INPP5A: variants seen among roughly 807,000 people sequenced by gnomAD.
INPP5A encodes the protein 43 kDa inositol polyphosphate 5-phophatase.
INPP5A carries 14 observed loss-of-function variants against 65.2 expected under a neutral mutation model. The ratio of observed to expected loss-of-function variants is 0.21; its 90% CI spans 0.14 to 0.34. INPP5A has a LOEUF of 0.34. INPP5A is among the 10% of genes least tolerant of loss of function. INPP5A has a pLI of 1.00. For synonymous variants in INPP5A, 207 were observed against 208.3 expected, an observed-to-expected ratio of 0.99 and a Z score of 0.05; for missense variants, 431 against 545.6, an observed-to-expected ratio of 0.79 and a Z score of 2.09.
At chr10:132,625,192 C>G (rs1590876066) in intron 2 of INPP5A, among the ~76,000 whole-genome samples, 1 of 149,588 alleles carries the variant, frequency 6.7e-6, no homozygotes, top group African/African-American at 2.5e-5. Flanking sequence ...CACAGGCCAC[C>G]GCTCCCTCTG....
At chr10:132,758,000 T>C (rs112007268) in intron 11 of INPP5A, among the ~76,000 whole-genome samples, 199 of 101,380 alleles carry the variant, frequency 2.0e-3, no homozygotes, top group African/African-American at 3.2e-3. Flanking sequence ...GTTGTGGGTC[T>C]CTGGCTGACC....
intron 9 of INPP5A, among the ~76,000 whole-genome samples, chr10:132,728,655 A>G (rs969472579): frequency 1.3e-5 from 2 of 152,256 alleles, no homozygotes; most frequent in Non-Finnish European, 2.9e-5. Context: ...ATGAAAGTCA[A>G]GAAGAACCCG....
At chr10:132,761,884 C>G (rs896259819) in intron 11 of INPP5A, among the ~76,000 whole-genome samples, 1 of 151,862 alleles carries the variant, frequency 6.6e-6, no homozygotes, top group African/African-American at 2.4e-5. Context: ...ATAATTGATA[C>G]AAATTATAAT....
intron 13 of INPP5A, among the ~76,000 whole-genome samples, chr10:132,779,720 AG>A (rs1847126286): frequency 6.6e-6 from 1 of 152,202 alleles, no homozygotes; most frequent in Non-Finnish European, 1.5e-5. Flanking sequence ...GCGGGTGTGC[AG>A]GACAAGCAGA....
chr10:132,549,795 G>A lies in INPP5A; in HGVS notation c.75+11624G>A, dbSNP rs919565199. On this transcript the variant is annotated intron_variant, in intron 1 of 15. Coordinates refer to ENST00000368594, the MANE Select transcript of INPP5A (RefSeq NM_005539.5). The surrounding 1 kb of genome is among the most constrained non-coding windows in gnomAD (Gnocchi z 4.9). ...CTCTGCCCCTGGTCTGAATGGTGGG[G>A]TTGGTGTGTCTCTGTTACAGGATTG... 6.6e-6 allele frequency among the ~76,000 whole-genome samples: 1 copy of A among 152,246 alleles called. No individual in the cohort carries two copies. The highest frequency in any genetic ancestry group is 1.5e-5 in the Non-Finnish European group (1 of 68,042).
At chr10:132,766,483 G>C (rs1846847352) in intron 12 of INPP5A, among the ~76,000 whole-genome samples, 1 of 151,976 alleles carries the variant, frequency 6.6e-6, no homozygotes, top group South Asian at 2.1e-4. Flanking sequence ...TGAATGTGCA[G>C]ATGTTGCGTG....
At chr10:132,681,748 C>T (rs2073048864) in intron 4 of INPP5A, among the ~76,000 whole-genome samples, 1 of 152,098 alleles carries the variant, frequency 6.6e-6, no homozygotes, top group African/African-American at 2.4e-5. Flanking sequence ...GGTACAGACC[C>T]CAAAGAATTG....
At chr10:132,743,404 C>T (rs909233764) in intron 9 of INPP5A, among the ~76,000 whole-genome samples, 8 of 140,362 alleles carry the variant, frequency 5.7e-5, no homozygotes, top group Admixed American at 1.4e-4. Flanking sequence ...GGACCAGGCC[C>T]GGGAGTGAGG....
In INPP5A at chr10:132,726,899, C is replaced by A; in HGVS notation, c.726C>A (p.Val242=). ...ACTTCCGGCTGGATTCCAAGTCCGTCGTGGAGGTAGGCGCTGGCTTCCCTC... is the reference window on the plus strand; with the variant it reads ...ACTTCCGGCTGGATTCCAAGTCCGTAGTGGAGGTAGGCGCTGGCTTCCCTC... ...DFNFRLDSKS[V]VETLCTKATM... Residue 242 remains valine (V), a synonymous_variant, in exon 9 of 16, where the codon GTC becomes GTA. Coordinates refer to ENST00000368594, the MANE Select transcript of INPP5A (RefSeq NM_005539.5). 1.2e-6 allele frequency: 2 copies of A among 1,607,010 alleles called. No individual in the cohort carries two copies. The highest frequency in any genetic ancestry group is 8.5e-7 in the Non-Finnish European group (1 of 1,174,622).
intron 11 of INPP5A, among the ~76,000 whole-genome samples, chr10:132,750,707 C>T (rs940035800): frequency 2.2e-4 from 34 of 152,240 alleles, no homozygotes; most frequent in African/African-American, 7.7e-4. Context: ...GATTCCAAGC[C>T]ACACGTGATG....
At position 132,617,120 on chromosome 10, in the gene INPP5A, G is replaced by A. The variant is rs112949816; in HGVS notation, c.117+9164G>A. Among the ~76,000 whole-genome samples the A allele has an allele frequency of 3.5e-3, 528 of 152,238 alleles. 1 individual carries two copies. Among genetic ancestry groups the A allele is most frequent in the African/African-American group, 0.011 (455 of 41,524 alleles). On this transcript the variant is annotated intron_variant, in intron 2 of 15. Coordinates refer to ENST00000368594, the MANE Select transcript of INPP5A (RefSeq NM_005539.5). Reference sequence around the variant, plus strand: ...ATCATCTGGTGACTCCTCAAACACCGCGCCCTGGTTGGTGGCTGTATTGAT... The same window carrying A: ...ATCATCTGGTGACTCCTCAAACACCACGCCCTGGTTGGTGGCTGTATTGAT...
chr10:132,569,559 T>C lies in INPP5A; in HGVS notation c.75+31388T>C, dbSNP rs142611441. ...TTTTTGTAGAGACGGGGTCTCAGTA[T>C]GTTGCCCAGGCTGGTCTCGAACTCC... On this transcript the variant is annotated intron_variant, in intron 1 of 15. Coordinates refer to ENST00000368594, the MANE Select transcript of INPP5A (RefSeq NM_005539.5). Among the ~76,000 whole-genome samples the C allele has an allele frequency of 1.3e-3, 193 of 152,332 alleles. 1 individual carries two copies. Among genetic ancestry groups the C allele is most frequent in the African/African-American group, 4.1e-3 (170 of 41,578 alleles).
intron 1 of INPP5A, among the ~76,000 whole-genome samples, chr10:132,600,656 A>T (rs565253501): frequency 6.6e-6 from 1 of 152,256 alleles, no homozygotes; most frequent in African/African-American, 2.4e-5. Flanking sequence ...TCATTTTCAC[A>T]CTGCCAGTAA....
chr10:132,573,951 T>C (rs2786899), intron 1 of INPP5A, among the ~76,000 whole-genome samples: 8 of 135,008 alleles, frequency 5.9e-5, no homozygotes, highest in South Asian at 2.6e-4. Flanking sequence ...TTGAGGTGTG[T>C]GTGCCGTGTG....
At chr10:132,780,413 G>A (rs1847139858) in intron 13 of INPP5A, among the ~76,000 whole-genome samples, 1 of 152,262 alleles carries the variant, frequency 6.6e-6, no homozygotes, top group Non-Finnish European at 1.5e-5. Flanking sequence ...AAAGTGGGAA[G>A]ATTGGAACTA....
chr10:132,690,527 C>G (rs1252602747), intron 5 of INPP5A, 72 bp downstream of exon 5: 5 of 1,105,874 alleles, frequency 4.5e-6, no homozygotes, highest in Non-Finnish European at 5.5e-6. Context: ...TTCCCCAGAC[C>G]TCTCCTGCCC....
At chr10:132,577,695 T>G (rs1161922148) in intron 1 of INPP5A, among the ~76,000 whole-genome samples, 1 of 152,018 alleles carries the variant, frequency 6.6e-6, no homozygotes, top group African/African-American at 2.4e-5. Context: ...CCTGAGGAGA[T>G]GGATGAGGTG....
intron 4 of INPP5A, among the ~76,000 whole-genome samples, chr10:132,683,170 T>A (rs118149985): frequency 0.053 from 7,055 of 134,344 alleles, 267 homozygotes; most frequent in Middle Eastern, 0.11. Flanking sequence ...TATACATATG[T>A]ATGCACGTTT....
intron 9 of INPP5A, among the ~76,000 whole-genome samples, chr10:132,731,484 C>T (rs570562141): frequency 1.3e-5 from 2 of 152,148 alleles, no homozygotes; most frequent in African/African-American, 4.8e-5. Context: ...GGAGTGACCG[C>T]ATCCCTCCTG....
Sources: gnomAD v4.1 joint callset for allele counts (sites outside exome capture counted in the v4.1 genomes callset) on GRCh38, gnomAD v4.1.1 for gene constraint, Gnocchi (gnomAD v3.1) non-coding constraint, MANE v1.5 for transcripts, NCBI Gene and HGNC (gene_info 2026-07-23, HGNC 2026-07-21) for gene names.